The following GSK3B variants were observed in gnomAD, a reference collection of about 807,000 sequenced individuals.
GSK3B encodes glycogen synthase kinase-3 beta.
In GSK3B, 15 loss-of-function variants were observed where a neutral mutation model predicts 56.4. The observed-to-expected ratio is 0.27, with a 90% CI of 0.18 to 0.41. The LOEUF is 0.41. Among genes scored for constraint, GSK3B ranks in the 10% least tolerant of loss-of-function variants. GSK3B has a pLI of 1.00. For missense variants in GSK3B, 300 were observed against 513.4 expected (o/e 0.58, Z 4.02); for synonymous variants, 181 against 188.9 (o/e 0.96, Z 0.34).
At chr3:120,028,704 G>T in intron 1 of GSK3B, 1 of 451,108 alleles carries the variant, frequency 2.2e-6, no homozygotes, top group Non-Finnish European at 4.4e-6. Context: ...TCAAAACCAT[G>T]TCCTTGCAGG....
At chr3:120,079,345 CACACATT>C (rs1319438566) in intron 1 of GSK3B, among the ~76,000 whole-genome samples, 2 of 106,184 alleles carry the variant, frequency 1.9e-5, no homozygotes, top group African/African-American at 7.9e-5. Flanking sequence ...CACACACACA[CACACATT>C]TTTTTTTTTA....
At chr3:120,066,251 A>C (rs1013840010) in intron 1 of GSK3B, among the ~76,000 whole-genome samples, 2 of 152,130 alleles carry the variant, frequency 1.3e-5, no homozygotes, top group African/African-American at 4.8e-5. Flanking sequence ...TCCCCACTAA[A>C]AGGAATCAGA....
At chr3:119,917,249 A>T (rs6792572) in intron 4 of GSK3B, among the ~76,000 whole-genome samples, 1 of 152,004 alleles carries the variant, frequency 6.6e-6, no homozygotes, top group South Asian at 2.1e-4. Context: ...ACCTACTTTC[A>T]TTCTAAGAAG....
At chr3:119,996,672 C>A (rs1242166279) in intron 2 of GSK3B, among the ~76,000 whole-genome samples, 1 of 151,382 alleles carries the variant, frequency 6.6e-6, no homozygotes, top group African/African-American at 2.4e-5. Context: ...TTTCAGAGTT[C>A]TACAGTTCAT....
At chr3:119,879,651 T>TTC (rs1272826721) in intron 7 of GSK3B, among the ~76,000 whole-genome samples, 1 of 152,134 alleles carries the variant, frequency 6.6e-6, no homozygotes, top group Non-Finnish European at 1.5e-5. Flanking sequence ...GCAACTGCCC[T>TTC]TCCCAGCCTC....
chr3:120,015,579 G>T (rs1224753288), intron 1 of GSK3B, among the ~76,000 whole-genome samples: 1 of 146,886 alleles, frequency 6.8e-6, no homozygotes, highest in Non-Finnish European at 1.5e-5. Context: ...GAACCCAGGA[G>T]GTGGAGGTTG....
At chr3:120,003,922 C>T (rs1024833657) in intron 1 of GSK3B, among the ~76,000 whole-genome samples, 16 of 152,164 alleles carry the variant, frequency 1.1e-4, no homozygotes, top group African/African-American at 3.9e-4. Flanking sequence ...CCATGGAGGG[C>T]GAGCCGAAGC....
intron 2 of GSK3B, among the ~76,000 whole-genome samples, chr3:119,969,413 C>T (rs867650986): frequency 2.0e-5 from 3 of 152,112 alleles, no homozygotes; most frequent in Non-Finnish European, 4.4e-5. Flanking sequence ...TATTAAGATG[C>T]CAGTTCTTCC....
chr3:119,958,656 T>G (rs972560475), intron 2 of GSK3B, among the ~76,000 whole-genome samples: 1 of 151,866 alleles, frequency 6.6e-6, no homozygotes, highest in Admixed American at 6.6e-5. Context: ...TCAGCCTGGG[T>G]AACAGGGTGA....
At chr3:119,971,151 T>G (rs1246827205) in intron 2 of GSK3B, among the ~76,000 whole-genome samples, 2 of 152,204 alleles carry the variant, frequency 1.3e-5, no homozygotes, top group Non-Finnish European at 2.9e-5. Context: ...TGGATTGAAG[T>G]TGAAGCAATC....
chr3:120,080,390 TA>T (rs879274558), intron 1 of GSK3B, among the ~76,000 whole-genome samples: 14 of 148,418 alleles, frequency 9.4e-5, no homozygotes, highest in East Asian at 2.0e-4. Flanking sequence ...TTCCTCTAAT[TA>T]AAAAAAAAAG....
chr3:119,973,159 TTACTAC>T (rs541330975), intron 2 of GSK3B, among the ~76,000 whole-genome samples: 1 of 152,088 alleles, frequency 6.6e-6, no homozygotes, highest in Non-Finnish European at 1.5e-5. Flanking sequence ...GTAAGCATTA[TTACTAC>T]TACTACTACT....
At chr3:120,025,230 G>A (rs754968198) in intron 1 of GSK3B, among the ~76,000 whole-genome samples, 3 of 152,138 alleles carry the variant, frequency 2.0e-5, no homozygotes, top group Non-Finnish European at 4.4e-5. Context: ...TGTAACCCCA[G>A]CTACTTGGGA....
rs199513361 is a variant in GSK3B at position 120,002,087 on chromosome 3, G to A, written c.241C>T (p.Leu81=). 4.4e-6 allele frequency: 7 copies of A among 1,606,690 alleles called. No homozygotes were observed. The highest frequency in any genetic ancestry group is 5.9e-6 in the Non-Finnish European group (7 of 1,177,304). The change falls in exon 2 of 11, where the codon CTG becomes TTG. Residue 81 remains leucine (L), a synonymous_variant. Coordinates refer to ENST00000264235, the MANE Select transcript of GSK3B (RefSeq NM_001146156.2). ...TGCAATACTTTCTTGATGGCGACCA[G>A]TTCTCCTGAATCACAAAGTTTGGCT... ...YQAKLCDSGE[L]VAIKKVLQDK...
chr3:120,050,796 G>A (rs2058142217), intron 1 of GSK3B, among the ~76,000 whole-genome samples: 1 of 152,170 alleles, frequency 6.6e-6, no homozygotes, highest in Non-Finnish European at 1.5e-5. Context: ...ATCTGGGTTA[G>A]AGGACTAGAT....
intron 9 of GSK3B, among the ~76,000 whole-genome samples, chr3:119,849,663 G>A (rs1204837895): frequency 6.6e-6 from 1 of 152,116 alleles, no homozygotes; most frequent in Non-Finnish European, 1.5e-5. Context: ...ACAAGAATAT[G>A]TAATGTATAG....
At chr3:120,007,302 C>A (rs932812953) in intron 1 of GSK3B, among the ~76,000 whole-genome samples, 3 of 152,072 alleles carry the variant, frequency 2.0e-5, no homozygotes, top group African/African-American at 4.8e-5. Flanking sequence ...CAGGACCAGA[C>A]AAATTCACAG....
chr3:120,079,321 CA>C (rs1321229341), intron 1 of GSK3B, among the ~76,000 whole-genome samples: 3 of 138,368 alleles, frequency 2.2e-5, no homozygotes, highest in African/African-American at 8.1e-5. Context: ...CACACACACA[CA>C]CACACACACA....
At chr3:119,837,981 C>T (rs1268361231) in intron 10 of GSK3B, among the ~76,000 whole-genome samples, 4 of 143,500 alleles carry the variant, frequency 2.8e-5, no homozygotes, top group Non-Finnish European at 3.0e-5. Context: ...TTTCAGTCGA[C>T]ATAAGAAATT....
Sources: allele counts gnomAD v4.1 joint callset (sites outside exome capture counted in the v4.1 genomes callset), GRCh38; gene constraint gnomAD v4.1.1; transcripts MANE v1.5; gene names NCBI Gene and HGNC (gene_info 2026-07-23, HGNC 2026-07-21).